GRAMD2B: variants seen among roughly 807,000 people sequenced by gnomAD.
GRAMD2B encodes the protein GRAM domain containing 2B.
In GRAMD2B, 41 loss-of-function variants were observed where a neutral mutation model predicts 59.2. That is an observed-to-expected ratio of 0.69 (90% CI 0.54 to 0.90). GRAMD2B has a LOEUF of 0.90. GRAMD2B is among the 40% of genes least tolerant of loss of function. GRAMD2B has a pLI of 0.00. For missense variants in GRAMD2B, 424 were observed against 500.5 expected (o/e 0.85, Z 1.46); for synonymous variants, 161 against 182.7 (o/e 0.88, Z 0.96).
intron 6 of GRAMD2B, among the ~76,000 whole-genome samples, chr5:126,478,559 G>A (rs181324636): frequency 2.0e-5 from 3 of 152,260 alleles, no homozygotes; most frequent in Non-Finnish European, 2.9e-5. Flanking sequence ...TGCGCAACAT[G>A]GTGAAACCCT....
chr5:126,464,470 T>C (rs530922859), intron 1 of GRAMD2B, among the ~76,000 whole-genome samples: 52 of 152,226 alleles, frequency 3.4e-4, no homozygotes, highest in African/African-American at 1.2e-3. Flanking sequence ...TTTCCCCTGC[T>C]TCCCAAGAGA....
intron 1 of GRAMD2B, chr5:126,465,050 C>T (rs1768046171): frequency 4.9e-6 from 5 of 1,028,230 alleles, no homozygotes; most frequent in Non-Finnish European, 5.8e-6. Context: ...AAGGCTCACA[C>T]CTGCAGGAGG....
chr5:126,480,843 C>T, intron 8 of GRAMD2B, 136 bp downstream of exon 8: 1 of 692,476 alleles, frequency 1.4e-6, no homozygotes, highest in Non-Finnish European at 2.5e-6. Context: ...AGAAACAGGG[C>T]ATATCTTCCT....
intron 1 of GRAMD2B, among the ~76,000 whole-genome samples, chr5:126,456,928 C>T (rs1581111365): frequency 6.6e-6 from 1 of 152,154 alleles, no homozygotes; most frequent in Admixed American, 6.5e-5. Context: ...CACAGTGGCT[C>T]ACGCCTGTAA....
chr5:126,471,751 A>T (rs1238621250), intron 3 of GRAMD2B, among the ~76,000 whole-genome samples: 2 of 152,208 alleles, frequency 1.3e-5, no homozygotes, highest in Admixed American at 6.5e-5. Flanking sequence ...ACAGAAGAGG[A>T]AACCAAGGCC....
intron 1 of GRAMD2B, among the ~76,000 whole-genome samples, chr5:126,394,001 G>A (rs191830737): frequency 1.4e-4 from 22 of 152,162 alleles, no homozygotes; most frequent in South Asian, 8.3e-4. Flanking sequence ...TAGGCCAGGC[G>A]CGGTGGCTCA....
intron 1 of GRAMD2B, among the ~76,000 whole-genome samples, chr5:126,414,917 C>T (rs1759131652): frequency 6.6e-6 from 1 of 152,118 alleles, no homozygotes; most frequent in Admixed American, 6.6e-5. Flanking sequence ...GTTTATACAA[C>T]ATTTCTATGT....
intron 1 of GRAMD2B, among the ~76,000 whole-genome samples, chr5:126,454,721 T>G (rs1353104199): frequency 1.3e-5 from 2 of 152,154 alleles, no homozygotes; most frequent in African/African-American, 4.8e-5. Flanking sequence ...AGCCAGATGG[T>G]GGCCTCTGCT....
intron 1 of GRAMD2B, among the ~76,000 whole-genome samples, chr5:126,432,400 TATA>T (rs1761719188): frequency 6.6e-6 from 1 of 152,236 alleles, no homozygotes; most frequent in Non-Finnish European, 1.5e-5. Flanking sequence ...TTGTGTCCTT[TATA>T]ATAATTAAGA....
chr5:126,388,160 C>T (rs1400209336), intron 1 of GRAMD2B, among the ~76,000 whole-genome samples: 1 of 151,968 alleles, frequency 6.6e-6, no homozygotes, highest in Non-Finnish European at 1.5e-5. Flanking sequence ...TTCACTTGAG[C>T]CCAGGAGTTT....
chr5:126,488,638 A>G (rs893403842), intron 12 of GRAMD2B, among the ~76,000 whole-genome samples, 161 bp from the exon 13 acceptor site: 4 of 152,208 alleles, frequency 2.6e-5, no homozygotes, highest in African/African-American at 9.7e-5. Context: ...TCTAGCCTGG[A>G]GTTGCGGATT....
intron 1 of GRAMD2B, among the ~76,000 whole-genome samples, chr5:126,399,509 C>T (rs1757644785): frequency 6.6e-6 from 1 of 152,092 alleles, no homozygotes; most frequent in Non-Finnish European, 1.5e-5. Context: ...TTGCTCTCTC[C>T]TCCCACCATG....
upstream of GRAMD2B, among the ~76,000 whole-genome samples, chr5:126,368,036 C>G (rs538572995): frequency 3.3e-5 from 5 of 152,346 alleles, no homozygotes; most frequent in African/African-American, 9.6e-5. Context: ...CAGGCGTGAG[C>G]CACCGCGCCC....
intron 5 of GRAMD2B, among the ~76,000 whole-genome samples, chr5:126,473,791 G>T (rs11746622): frequency 6.6e-6 from 1 of 151,964 alleles, no homozygotes; most frequent in African/African-American, 2.4e-5. Flanking sequence ...TACCAGTGAT[G>T]CGTAGGACAG....
chr5:126,468,498 A>AT (rs371679750), intron 2 of GRAMD2B, among the ~76,000 whole-genome samples: 142 of 151,314 alleles, frequency 9.4e-4, no homozygotes, highest in African/African-American at 3.2e-3. Flanking sequence ...ATTTAACTTT[A>AT]TTTTTTTGAG....
intron 1 of GRAMD2B, among the ~76,000 whole-genome samples, chr5:126,446,642 CTA>C (rs1422477921): frequency 6.9e-6 from 1 of 144,836 alleles, no homozygotes; most frequent in Non-Finnish European, 1.5e-5. Context: ...AAAAAAAAAC[CTA>C]TGTGTTCTCA....
intron 1 of GRAMD2B, among the ~76,000 whole-genome samples, chr5:126,457,593 T>C (rs1250088566): frequency 6.6e-6 from 1 of 150,754 alleles, no homozygotes; most frequent in African/African-American, 2.4e-5. Context: ...ATTGCACCAC[T>C]GCACTCCAGC....
chr5:126,366,768 C>T (rs551369047), upstream of GRAMD2B, among the ~76,000 whole-genome samples: 2 of 151,668 alleles, frequency 1.3e-5, no homozygotes, highest in South Asian at 2.1e-4. Flanking sequence ...ACCCACACAC[C>T]GGTTTTCCAT....
chr5:126,423,151 G>A, upstream of GRAMD2B: 1 of 997,972 alleles, frequency 1.0e-6, no homozygotes. Flanking sequence ...CCGGTATCTA[G>A]AGCCGGCTGC....
Sources: allele counts gnomAD v4.1 joint callset (sites outside exome capture counted in the v4.1 genomes callset), GRCh38; gene constraint gnomAD v4.1.1; transcripts MANE v1.5; gene names NCBI Gene and HGNC (gene_info 2026-07-23, HGNC 2026-07-21).